The following JAM3 variants were observed in gnomAD, a reference collection of about 807,000 sequenced individuals.
JAM3 encodes junctional adhesion molecule C.
JAM3 carries 31 observed loss-of-function variants against 39.4 expected under a neutral mutation model. That is an observed-to-expected ratio of 0.79 (90% confidence interval 0.59 to 1.06). The LOEUF (loss-of-function observed/expected upper bound fraction) is 1.06, where lower values mean the gene tolerates loss of function less well. JAM3 is among the 50% of genes least tolerant of loss of function. The pLI is 0.00. For synonymous variants in JAM3, 182 were observed against 148.7 expected (o/e 1.22, Z -1.63); for missense variants, 455 against 391.4 (o/e 1.16, Z -1.37).
intron 1 of JAM3, among the ~76,000 whole-genome samples, chr11:134,112,393 A>G (rs576238823): frequency 4.6e-5 from 7 of 152,244 alleles, no homozygotes; most frequent in South Asian, 2.1e-4. Flanking sequence ...CAGCCAGTCA[A>G]TCAATTTAAA....
chr11:134,095,989 G>GT (rs917745779), intron 1 of JAM3, among the ~76,000 whole-genome samples: 7 of 152,120 alleles, frequency 4.6e-5, no homozygotes, highest in South Asian at 2.1e-4. Context: ...TTATTTATTT[G>GT]TTTTTTTGAG....
At chr11:134,128,841 T>G (rs1008059799) in intron 1 of JAM3, among the ~76,000 whole-genome samples, 1 of 152,258 alleles carries the variant, frequency 6.6e-6, no homozygotes, top group Non-Finnish European at 1.5e-5. Flanking sequence ...TGGAAAATAC[T>G]ATTTTTACAT....
chr11:134,140,553 C>G (rs548864577), intron 2 of JAM3, 104 bp from the exon 3 acceptor site: 213 of 916,750 alleles, frequency 2.3e-4, no homozygotes, highest in Non-Finnish European at 2.7e-4. Flanking sequence ...CGTTTTTAAT[C>G]TGCATGAAAG....
At chr11:134,131,952 CTAA>C (rs1266134659) in intron 1 of JAM3, among the ~76,000 whole-genome samples, 3 of 152,134 alleles carry the variant, frequency 2.0e-5, no homozygotes, top group Non-Finnish European at 2.9e-5. Context: ...ACTCATGGGA[CTAA>C]TAAGTGGACC....
chr11:134,092,121 T>C (rs1941871931), intron 1 of JAM3, among the ~76,000 whole-genome samples: 2 of 152,218 alleles, frequency 1.3e-5, no homozygotes, highest in Admixed American at 1.3e-4. Flanking sequence ...GAGCTTCTTA[T>C]GACTGCTCTG....
At position 134,124,098 on chromosome 11, in the gene JAM3, A is replaced by G. The variant is rs950505462; in HGVS notation, c.77-15753A>G. On this transcript the variant is annotated intron_variant, in intron 1 of 8. Transcript: ENST00000299106. ...TAACAGGTTTAACCAATCATCTACT[A>G]TCTGATTAGGGGGTGGAGCTCCATC... 154 of 1,488,176 alleles carry G rather than the reference A, an allele frequency of 1.0e-4. 1 individual carries two copies. The highest frequency in any genetic ancestry group is 3.1e-5 in the Non-Finnish European group (33 of 1,067,846). 92.2% of individuals were successfully genotyped at this position (1,488,176 alleles called of 1,614,324 possible). A position where few individuals can be genotyped will look rare whatever the true frequency, so the allele number is the denominator to read the frequency against.
chr11:134,142,457 G>A (rs891617381), intron 3 of JAM3, among the ~76,000 whole-genome samples: 1 of 152,170 alleles, frequency 6.6e-6, no homozygotes, highest in Admixed American at 6.5e-5. Context: ...TGTTTTTAGT[G>A]TATTATGGCA....
At chr11:134,135,736 A>G (rs1413221597) in intron 1 of JAM3, among the ~76,000 whole-genome samples, 2 of 151,936 alleles carry the variant, frequency 1.3e-5, no homozygotes, top group African/African-American at 2.4e-5. Flanking sequence ...TAGCCCTAAT[A>G]TCTAGACAGG....
At chr11:134,124,354 CG>C in intron 1 of JAM3, 1 of 705,962 alleles carries the variant, frequency 1.4e-6, no homozygotes, top group Non-Finnish European at 2.6e-6. Context: ...TGTGAGTGTG[CG>C]TGTGAGTGTG....
At chr11:134,092,929 TTCA>T (rs1264225056) in intron 1 of JAM3, among the ~76,000 whole-genome samples, 2 of 148,914 alleles carry the variant, frequency 1.3e-5, no homozygotes, top group East Asian at 2.1e-4. Flanking sequence ...TTACATCTTA[TTCA>T]TCATGTTCCA....
intron 1 of JAM3, among the ~76,000 whole-genome samples, chr11:134,107,745 C>T (rs1028286891): frequency 1.4e-4 from 21 of 152,028 alleles, no homozygotes; most frequent in Admixed American, 3.3e-4. Context: ...TGCCTGTAGT[C>T]CCAGCTACTT....
chr11:134,112,971 C>G (rs11604455), intron 1 of JAM3, among the ~76,000 whole-genome samples: 1 of 152,008 alleles, frequency 6.6e-6, no homozygotes. Flanking sequence ...GAGTGGGCTC[C>G]AAGTAATACC....
At chr11:134,116,707 A>G (rs1452187755) in intron 1 of JAM3, among the ~76,000 whole-genome samples, 1 of 151,836 alleles carries the variant, frequency 6.6e-6, no homozygotes, top group East Asian at 1.9e-4. Context: ...GGTACTAGAA[A>G]TGCTTTTGGT....
intron 1 of JAM3, among the ~76,000 whole-genome samples, chr11:134,088,626 C>T (rs1472894361): frequency 6.6e-6 from 1 of 152,118 alleles, no homozygotes; most frequent in Non-Finnish European, 1.5e-5. Context: ...AAATCATTAA[C>T]CTCTGAACAT....
chr11:134,119,157 C>T (rs1255708714), intron 1 of JAM3, among the ~76,000 whole-genome samples: 4 of 152,010 alleles, frequency 2.6e-5, no homozygotes, highest in Non-Finnish European at 5.9e-5. Context: ...AACTCCTGAT[C>T]TCAAGTGATC....
In JAM3 at chr11:134,130,698, C is replaced by CT. The variant is rs1272612163; in HGVS notation, c.77-9152dup. ...TACACACCCTTGCCCTACCCTCTCC[C>CT]TGGCATAGTAGCTGATTTGGTCTTG... On this transcript the variant is annotated intron_variant, in intron 1 of 8. Transcript: ENST00000299106. Among the ~76,000 whole-genome samples, 9 of 152,352 alleles carry CT rather than the reference C, an allele frequency of 5.9e-5. 1 individual carries two copies. In the South Asian group the frequency reaches 1.9e-3, roughly 32 times the overall value.
chr11:134,085,925 G>A (rs1051346134), intron 1 of JAM3, among the ~76,000 whole-genome samples: 2 of 152,040 alleles, frequency 1.3e-5, no homozygotes, highest in Non-Finnish European at 2.9e-5. Context: ...ACGTATTATC[G>A]CCTTAACAGA....
chr11:134,073,052 G>A (rs117438086), intron 1 of JAM3, among the ~76,000 whole-genome samples: 2 of 152,198 alleles, frequency 1.3e-5, no homozygotes, highest in Admixed American at 1.3e-4. Flanking sequence ...AAGCGATCCC[G>A]AAAGAAAGTT....
intron 1 of JAM3, among the ~76,000 whole-genome samples, chr11:134,078,931 T>C (rs657838): frequency 0.39 from 59,915 of 151,866 alleles, 12,887 homozygotes; most frequent in African/African-American, 0.58. Flanking sequence ...CCCAGCTGCT[T>C]GGGAGGCTGA....
Sources: allele counts gnomAD v4.1 joint callset (sites outside exome capture counted in the v4.1 genomes callset), GRCh38; gene constraint gnomAD v4.1.1; transcripts MANE v1.5; gene names NCBI Gene and HGNC (gene_info 2026-07-23, HGNC 2026-07-21).